The following MAPK6 variants were observed in gnomAD, a reference collection of about 807,000 sequenced individuals.
The protein encoded by MAPK6 is mitogen-activated protein kinase 6, also known as ERK-3.
Under a neutral mutation model 59.3 loss-of-function variants are expected in MAPK6, and 19 were observed. The ratio of observed to expected loss-of-function variants is 0.32; its 90% CI spans 0.22 to 0.47. MAPK6 has a LOEUF of 0.47. Ranked by LOEUF, MAPK6 falls within the 20% of genes least tolerant of loss-of-function variation. The pLI, the probability that MAPK6 is intolerant of heterozygous loss-of-function variation, is 1.00. For missense variants in MAPK6, 724 were observed against 847.9 expected, an observed-to-expected ratio of 0.85 and a Z score of 1.81; for synonymous variants, 316 against 290.3, an observed-to-expected ratio of 1.09 and a Z score of -0.90.
At position 52,061,378 on chromosome 15, in the gene MAPK6, C is replaced by T. The variant is rs200049070; in HGVS notation, c.945C>T (p.Tyr315=). 95 of 1,614,024 alleles carry T rather than the reference C, an allele frequency of 5.9e-5. No homozygotes were observed. In the Admixed American group the frequency reaches 1.5e-3, roughly 25 times the overall value. The change falls in exon 5 of 6, where the codon TAC becomes TAT. Residue 315 remains tyrosine (Y), a synonymous_variant. Transcript: ENST00000261845. The part of the protein sequence containing the change: ...LTAEEALSHP[Y]MSIYSFPMDE... The stretch of plus-strand genomic sequence containing the variant: ...CAGAAGAAGCACTCTCCCATCCTTA[C>T]ATGAGCATATATTCTTTTCCAATGG...
intron 1 of MAPK6, among the ~76,000 whole-genome samples, chr15:52,029,487 A>G (rs965515479): frequency 3.3e-5 from 5 of 151,964 alleles, no homozygotes; most frequent in South Asian, 2.1e-4. Flanking sequence ...AATAATTCTC[A>G]TATTTATGTT....
chr15:52,057,463 A>G (rs1310891345), intron 3 of MAPK6, among the ~76,000 whole-genome samples: 1 of 151,838 alleles, frequency 6.6e-6, no homozygotes, highest in African/African-American at 2.4e-5. Flanking sequence ...GCTTCTCTCC[A>G]TCTTCCTAGA....
intron 1 of MAPK6, chr15:52,033,633 TC>T (rs1474539793): frequency 6.6e-6 from 1 of 152,186 alleles, no homozygotes; most frequent in Non-Finnish European, 1.5e-5. Context: ...GCTTATTTCT[TC>T]CCCAGCTTGC....
At chr15:52,037,879 G>A (rs2031296191) in intron 1 of MAPK6, among the ~76,000 whole-genome samples, 1 of 152,074 alleles carries the variant, frequency 6.6e-6, no homozygotes, top group Admixed American at 6.6e-5. Flanking sequence ...TAATTACCAG[G>A]TACTATGCTT....
intron 1 of MAPK6, among the ~76,000 whole-genome samples, chr15:52,031,762 G>A (rs1387308307): frequency 1.3e-5 from 2 of 152,198 alleles, no homozygotes; most frequent in Non-Finnish European, 2.9e-5. Context: ...GAGCAATGGA[G>A]GTGGAGGTTG....
At chr15:51,993,935 C>T (rs2057217298) in intron 2 of MAPK6, among the ~76,000 whole-genome samples, 1 of 151,240 alleles carries the variant, frequency 6.6e-6, no homozygotes, top group Non-Finnish European at 1.5e-5. Context: ...CCCAGCTTAG[C>T]TCTCGGTTTC....
rs894765617 is a variant in MAPK6 at position 52,041,353 on chromosome 15, C to T, written c.-631-4477C>T. 1.4e-4 allele frequency among the ~76,000 whole-genome samples: 22 copies of T among 152,246 alleles called. No homozygotes were observed. In the South Asian group the frequency reaches 2.1e-3, roughly 14 times the overall value. On this transcript the variant is annotated intron_variant, in intron 1 of 5. Coordinates refer to ENST00000261845, the MANE Select transcript of MAPK6 (RefSeq NM_002748.4). ...CTGGGATTACAGACATGCGCCACCACGCCCAGCTAATTTTGTATTTTTAGT... is the reference window on the plus strand; with the variant it reads ...CTGGGATTACAGACATGCGCCACCATGCCCAGCTAATTTTGTATTTTTAGT...
chr15:52,017,518 C>T (rs2030308334), upstream of MAPK6: 1 of 152,378 alleles, frequency 6.6e-6, no homozygotes, highest in Non-Finnish European at 1.5e-5. Context: ...TCTTCAGTTG[C>T]TTCAGGTCAT....
chr15:52,063,045 G>A (rs1346675016), intron 5 of MAPK6, among the ~76,000 whole-genome samples: 1 of 151,998 alleles, frequency 6.6e-6, no homozygotes, highest in African/African-American at 2.4e-5. Flanking sequence ...TTTTCTCCAT[G>A]TGTCCATTTC....
In MAPK6 at chr15:52,065,402, GT is replaced by G. The variant is rs1385301350; in HGVS notation, c.*407del. On this transcript the variant is annotated 3_prime_UTR_variant, in exon 6 of 6. Transcript: ENST00000261845. ...ATTTTTCATTCATGAATATTTTCAA[GT>G]TTTTCATACTGTACACATTTCTTAA... 1 of 157,326 alleles carries G rather than the reference GT, an allele frequency of 6.4e-6. No homozygotes were observed. The highest frequency in any genetic ancestry group is 1.4e-5 in the Non-Finnish European group (1 of 71,258). 9.7% of individuals were successfully genotyped at this position (157,326 alleles called of 1,614,324 possible).
chr15:51,985,235 C>G (rs1236942821), intron 2 of MAPK6, among the ~76,000 whole-genome samples: 1 of 151,928 alleles, frequency 6.6e-6, no homozygotes, highest in African/African-American at 2.4e-5. Flanking sequence ...CCCAACTACT[C>G]AGGAGGCTGA....
upstream of MAPK6, among the ~76,000 whole-genome samples, chr15:52,016,077 C>CAT (rs2030252847): frequency 7.4e-6 from 1 of 135,066 alleles, no homozygotes; most frequent in Admixed American, 7.3e-5. Flanking sequence ...CGCGCACACA[C>CAT]ACACACACAC....
chr15:52,017,396 C>T (rs1157947047), upstream of MAPK6: 1 of 152,026 alleles, frequency 6.6e-6, no homozygotes, highest in African/African-American at 2.4e-5. Flanking sequence ...TATAAAGAAC[C>T]TTCTTAAGGG....
chr15:52,014,474 G>A (rs887958042), upstream of MAPK6, among the ~76,000 whole-genome samples: 3 of 152,110 alleles, frequency 2.0e-5, no homozygotes, highest in African/African-American at 7.2e-5. Flanking sequence ...ACTTTGGGAG[G>A]CCTGAGGCAG....
rs1207098034 is a variant in MAPK6, at chr15:52,065,388, ATGAATATTTTC to A, written c.*389_*399del. ...TTTTTTCCTAAGACATTTTTCATTCATGAATATTTTCAAGTTTTTCATACTGTACACATTTC... is the reference window on the plus strand; with the variant it reads ...TTTTTTCCTAAGACATTTTTCATTCAAAGTTTTTCATACTGTACACATTTC... On this transcript the variant is annotated 3_prime_UTR_variant, in exon 6 of 6. Coordinates refer to ENST00000261845, the MANE Select transcript of MAPK6 (RefSeq NM_002748.4). The A allele has an allele frequency of 6.3e-6, 1 of 158,370 alleles. No homozygotes were observed. Among genetic ancestry groups the A allele is most frequent in the East Asian group, 1.8e-4 (1 of 5,442 alleles). 9.8% of individuals were successfully genotyped at this position (158,370 alleles called of 1,614,324 possible).
chr15:52,027,628 T>TA (rs1200640683), intron 1 of MAPK6: 1 of 149,908 alleles, frequency 6.7e-6, no homozygotes, highest in Non-Finnish European at 1.5e-5. Context: ...TTTTTTTTTT[T>TA]TTTTTTATAG....
intron 2 of MAPK6, among the ~76,000 whole-genome samples, chr15:51,985,426 G>A (rs553103570): frequency 1.3e-5 from 2 of 151,988 alleles, no homozygotes; most frequent in East Asian, 1.9e-4. Flanking sequence ...AGGCCGAGGT[G>A]GGCAGATCAC....
Position 52,066,795 on chromosome 15 carries a change from T to G in MAPK6, c.*1795T>G, listed in dbSNP as rs1013892293. ...GTGTGTGTGTGTGTGTGTGTGTGTA[T>G]ATATATTCATTTATTTATTTTCTGG... On this transcript the variant is annotated 3_prime_UTR_variant, in exon 6 of 6. Transcript: ENST00000261845. The G allele has an allele frequency of 6.7e-6, 1 of 148,702 alleles. No individual in the cohort carries two copies. The highest frequency in any genetic ancestry group is 2.5e-5 in the African/African-American group (1 of 39,550). 9.2% of individuals were successfully genotyped at this position (148,702 alleles called of 1,614,324 possible).
intron 5 of MAPK6, among the ~76,000 whole-genome samples, chr15:52,061,839 TA>T (rs929012284): frequency 6.6e-6 from 1 of 152,148 alleles, no homozygotes; most frequent in African/African-American, 2.4e-5. Context: ...AAACATTTAA[TA>T]AAGTAATTAC....
Sources: allele counts gnomAD v4.1 joint callset (sites outside exome capture counted in the v4.1 genomes callset), GRCh38; gene constraint gnomAD v4.1.1; transcripts MANE v1.5; gene names NCBI Gene and HGNC (gene_info 2026-07-23, HGNC 2026-07-21).